EIPR1: variants seen among roughly 807,000 people sequenced by gnomAD.
EIPR1 encodes EARP and GARP complex-interacting protein 1.
Under a neutral mutation model 48.1 loss-of-function variants are expected in EIPR1, and 25 were observed. The observed-to-expected ratio is 0.52, with a 90% CI of 0.38 to 0.73. EIPR1 has a LOEUF of 0.73. EIPR1 is among the 30% of genes least tolerant of loss of function. The pLI is 0.00. For missense variants in EIPR1, 415 were observed against 506.2 expected (o/e 0.82, Z 1.73); for synonymous variants, 204 against 201.9 (o/e 1.01, Z -0.09).
At chr2:3,370,221 A>T (rs563401502) in intron 1 of EIPR1, among the ~76,000 whole-genome samples, 1 of 152,304 alleles carries the variant, frequency 6.6e-6, no homozygotes, top group East Asian at 1.9e-4. Context: ...AGGACATCCA[A>T]CCAAAAACCC....
intron 3 of EIPR1, among the ~76,000 whole-genome samples, chr2:3,327,223 G>A (rs377480328): frequency 1.5e-4 from 23 of 152,232 alleles, no homozygotes; most frequent in East Asian, 1.2e-3. Flanking sequence ...TCATCCTGTC[G>A]CCCAGGCTGG....
At chr2:3,373,713 T>A (rs1254630567) in intron 1 of EIPR1, among the ~76,000 whole-genome samples, 2 of 152,150 alleles carry the variant, frequency 1.3e-5, no homozygotes, top group Non-Finnish European at 2.9e-5. Flanking sequence ...AAACCACTGC[T>A]CAATGAAATA....
chr2:3,297,046 T>C (rs1668624088), intron 3 of EIPR1, among the ~76,000 whole-genome samples: 1 of 134,942 alleles, frequency 7.4e-6, no homozygotes, highest in Non-Finnish European at 1.6e-5. Context: ...AGTTTCTCTC[T>C]GTACCAGAAT....
chr2:3,208,340 A>G (rs1665305091), intron 5 of EIPR1: 4 of 952,434 alleles, frequency 4.2e-6, no homozygotes, highest in African/African-American at 1.6e-5. Flanking sequence ...AGCCACCGTG[A>G]GCACCTCTGT....
At position 3,251,322 on chromosome 2, in the gene EIPR1, G is replaced by A. The variant is rs144430512; in HGVS notation, c.416+5977C>T. Among the ~76,000 whole-genome samples, 112 of 152,362 alleles carry A rather than the reference G, an allele frequency of 7.4e-4. 1 individual carries two copies. The highest frequency in any genetic ancestry group is 2.6e-3 in the African/African-American group (110 of 41,580). On this transcript the variant is annotated intron_variant, in intron 4 of 8. Coordinates refer to ENST00000382125, the MANE Select transcript of EIPR1 (RefSeq NM_003310.5). ...AGGCTAAAGGGAGGGTGGGAAGAGG[G>A]TCTGTAATTTATTTTTGATTCATTA...
intron 4 of EIPR1, among the ~76,000 whole-genome samples, chr2:3,253,776 G>C (rs964780067): frequency 6.6e-6 from 1 of 152,182 alleles, no homozygotes; most frequent in African/African-American, 2.4e-5. Flanking sequence ...GCCCTGTTCA[G>C]CCTCTGCTTG....
chr2:3,286,767 A>T lies in EIPR1; in HGVS notation c.260-29312T>A, dbSNP rs1233399507. Among the ~76,000 whole-genome samples, 3 of 152,252 alleles carry T rather than the reference A, an allele frequency of 2.0e-5. No homozygotes were observed. The highest frequency in any genetic ancestry group is 4.8e-5 in the African/African-American group (2 of 41,466). ...CCCAGCAGCTCCAAGAGGCGGAGCT[A>T]TCAATTTCACATACAGACAAGGAAA... On this transcript the variant is annotated intron_variant, in intron 3 of 8. Coordinates refer to ENST00000382125, the MANE Select transcript of EIPR1 (RefSeq NM_003310.5). The surrounding 1 kb of genome is among the most constrained non-coding windows in gnomAD (Gnocchi z 4.2).
At position 3,210,827 on chromosome 2, in the gene EIPR1, C is replaced by T. The variant is rs141425714; in HGVS notation, c.516+3322G>A. ...TTTTTATTTTTATTTTTAGTAGAGA[C>T]GGGGTTTCACCACGTTGGCCAGGCT... On this transcript the variant is annotated intron_variant, in intron 5 of 8. Coordinates refer to ENST00000382125, the MANE Select transcript of EIPR1 (RefSeq NM_003310.5). 7.3e-3 allele frequency among the ~76,000 whole-genome samples: 1,107 copies of T among 152,036 alleles called. 15 individuals carry two copies. The highest frequency in any genetic ancestry group is 0.026 in the African/African-American group (1,066 of 41,486).
At position 3,375,367 on chromosome 2, in the gene EIPR1, A is replaced by G. The variant is rs144817879; in HGVS notation, c.42+2281T>C. On this transcript the variant is annotated intron_variant, in intron 1 of 8. Coordinates refer to ENST00000382125, the MANE Select transcript of EIPR1 (RefSeq NM_003310.5). ...GCACATTGTGCACATGTACCTTAAA[A>G]CTTAAAATATAATAATAATTTAAAA... Among the ~76,000 whole-genome samples the G allele has an allele frequency of 3.5e-3, 530 of 151,166 alleles. 7 individuals carry two copies. Among genetic ancestry groups the G allele is most frequent in the African/African-American group, 0.012 (511 of 41,336 alleles).
intron 3 of EIPR1, among the ~76,000 whole-genome samples, chr2:3,289,389 T>C (rs2103271440): frequency 6.6e-6 from 1 of 152,202 alleles, no homozygotes; most frequent in Non-Finnish European, 1.5e-5. Context: ...CTCAAATGCC[T>C]ACAAAAATGA....
Position 3,246,843 on chromosome 2 carries a change from G to C in EIPR1, c.416+10456C>G, listed in dbSNP as rs1463721432. Among the ~76,000 whole-genome samples, 473 of 63,756 alleles carry C rather than the reference G, an allele frequency of 7.4e-3. 3 individuals carry two copies. The highest frequency in any genetic ancestry group is 9.7e-3 in the African/African-American group (146 of 15,024). The allele number at this position is 63,756 out of a possible 152,430, so 41.8% of individuals were successfully genotyped here. A position where few individuals can be genotyped will look rare whatever the true frequency, so the allele number is the denominator to read the frequency against. On this transcript the variant is annotated intron_variant, in intron 4 of 8. Transcript: ENST00000382125. Reference sequence around the variant, plus strand: ...AGGGAGGAAGGGAGGGAAGGAGGAAGGGAGGGAAGGAGGAAGGGAGGGAAG... The same window carrying C: ...AGGGAGGAAGGGAGGGAAGGAGGAACGGAGGGAAGGAGGAAGGGAGGGAAG...
At chr2:3,242,106 G>C (rs1379899177) in intron 4 of EIPR1, among the ~76,000 whole-genome samples, 1 of 152,042 alleles carries the variant, frequency 6.6e-6, no homozygotes, top group South Asian at 2.1e-4. Context: ...CTCCCGACTC[G>C]ACACCACGGA....
intron 2 of EIPR1, among the ~76,000 whole-genome samples, chr2:3,351,406 C>T (rs1222343531): frequency 6.6e-6 from 1 of 152,224 alleles, no homozygotes; most frequent in Non-Finnish European, 1.5e-5. Context: ...AGCAGGTACA[C>T]AGTAATTTAC....
At chr2:3,301,158 G>A (rs1239856437) in intron 3 of EIPR1, 3 of 152,114 alleles carry the variant, frequency 2.0e-5, no homozygotes, top group Admixed American at 6.5e-5. Flanking sequence ...TCAGCATCAC[G>A]GGCACGCAAG....
chr2:3,273,533 A>C (rs1385981866), intron 3 of EIPR1, among the ~76,000 whole-genome samples: 2 of 152,178 alleles, frequency 1.3e-5, no homozygotes, highest in Admixed American at 1.3e-4. Flanking sequence ...ACACACGCAA[A>C]AAAAAACCCA....
chr2:3,238,287 A>G (rs1344063830), intron 4 of EIPR1, among the ~76,000 whole-genome samples: 1 of 152,088 alleles, frequency 6.6e-6, no homozygotes, highest in African/African-American at 2.4e-5. Context: ...GGCTTTCCGG[A>G]GCGCCCGTGA....
intron 4 of EIPR1, among the ~76,000 whole-genome samples, chr2:3,250,835 T>A (rs568885782): frequency 6.6e-6 from 1 of 152,204 alleles, no homozygotes; most frequent in Non-Finnish European, 1.5e-5. Flanking sequence ...ATGTCCTGGC[T>A]CCCCCTTCAC....
chr2:3,242,261 C>G (rs1040906484), intron 4 of EIPR1, among the ~76,000 whole-genome samples: 1 of 16,738 alleles, frequency 6.0e-5, no homozygotes, highest in South Asian at 2.0e-3. Context: ...CAGCCACTGA[C>G]GGCTGGAAGA....
intron 4 of EIPR1, among the ~76,000 whole-genome samples, chr2:3,230,799 GTTC>G (rs1294590638): frequency 1.3e-5 from 2 of 152,258 alleles, no homozygotes; most frequent in South Asian, 2.1e-4. Context: ...CTTGGGCTTT[GTTC>G]TTCTTTCTCA....
Sources: allele counts gnomAD v4.1 joint callset (sites outside exome capture counted in the v4.1 genomes callset), GRCh38; gene constraint gnomAD v4.1.1; non-coding constraint Gnocchi (gnomAD v3.1); transcripts MANE v1.5; gene names NCBI Gene and HGNC (gene_info 2026-07-23, HGNC 2026-07-21).